Variants in TEX14 observed in about 807,000 individuals in gnomAD.
TEX14 encodes testis expressed 14, intercellular bridge forming factor.
Under a neutral mutation model 178.6 loss-of-function variants are expected in TEX14, and 168 were observed. The ratio of observed to expected loss-of-function variants is 0.94; its 90% CI spans 0.83 to 1.07. The LOEUF is 1.07. Among genes scored for constraint, TEX14 ranks in the 50% least tolerant of loss-of-function variants. The pLI is 0.00. For synonymous variants in TEX14, 626 were observed against 634.1 expected (o/e 0.99, Z 0.19); for missense variants, 1,730 against 1,753.6 (o/e 0.99, Z 0.24).
chr17:58,617,607 G>C lies in TEX14; in HGVS notation c.567C>G (p.Gly189=). 2 of 1,611,520 alleles carry C rather than the reference G, an allele frequency of 1.2e-6. No homozygotes were observed. Among genetic ancestry groups the C allele is most frequent in the Non-Finnish European group, 1.7e-6 (2 of 1,178,292 alleles). Residue 189 remains glycine (G), a synonymous_variant, in exon 6 of 32, where the codon GGC becomes GGG. Coordinates refer to ENST00000349033, the MANE Select transcript of TEX14 (RefSeq NM_031272.5). ...CGGLVQGNPN[G]SPNRLLKAGV... ...CAGCTTTAAGCAGTCGGTTAGGAGA[G>C]CCATTAGGGTTTCTAGAAATATTTA... is the stretch of plus-strand genomic sequence containing the variant.
At chr17:58,664,763 T>C (rs1045958058) in intron 1 of TEX14, among the ~76,000 whole-genome samples, 3 of 152,254 alleles carry the variant, frequency 2.0e-5, no homozygotes, top group African/African-American at 7.2e-5. Context: ...TATGACTGCA[T>C]TGATTAAAAG....
At position 58,601,810 on chromosome 17, in the gene TEX14, T is replaced by C; in HGVS notation, c.1674A>G (p.Glu558=). The C allele has an allele frequency of 6.2e-7, 1 of 1,612,472 alleles. No individual in the cohort carries two copies. The highest frequency in any genetic ancestry group is 2.0e-4 in the Middle Eastern group (1 of 5,006). The change falls in exon 13 of 32, where the codon GAA becomes GAG. Residue 558 remains glutamate (E), a synonymous_variant. Transcript: ENST00000349033. ...ACCTGTGAATTAAGGCCATACCCAT[T>C]TCCTTTAGTTCTATGATTTCCATGT... ...TPDMEIIELK[E]MGSQPHSPRV... is the part of the protein sequence containing the mutation.
At chr17:58,592,310 A>T (rs1364139109) in intron 15 of TEX14, among the ~76,000 whole-genome samples, 1 of 151,160 alleles carries the variant, frequency 6.6e-6, no homozygotes, top group African/African-American at 2.4e-5. Flanking sequence ...GCTCACTGCA[A>T]CTTCTGCCTC....
rs35359604 is a variant in TEX14 at position 58,657,502 on chromosome 17, CTTTTTTTT to C, written c.-1-5508_-1-5501del. On this transcript the variant is annotated intron_variant, in intron 1 of 31. Coordinates refer to ENST00000349033, the MANE Select transcript of TEX14 (RefSeq NM_031272.5). ...TTTTGTCTGGGCAATACGGGAAATG[CTTTTTTTT>C]TTTTTTTTTTTTTTTTTTTTTTGAG... is the stretch of plus-strand genomic sequence containing the variant. Among the ~76,000 whole-genome samples, 27 of 51,364 alleles carry C rather than the reference CTTTTTTTT, an allele frequency of 5.3e-4. No homozygotes were observed. In the East Asian group the frequency reaches 9.3e-3, roughly 18 times the overall value. The allele number at this position is 51,364 out of a possible 152,430, so 33.7% of individuals were successfully genotyped here.
chr17:58,671,006 G>A (rs961525220), intron 1 of TEX14, among the ~76,000 whole-genome samples: 2 of 151,948 alleles, frequency 1.3e-5, no homozygotes, highest in Admixed American at 6.6e-5. Flanking sequence ...TCCAAATATT[G>A]CTTCCACTCC....
chr17:58,613,289 TATAAAGCAAAAGA>T, intron 9 of TEX14, 119 bp downstream of exon 9: 4 of 1,148,766 alleles, frequency 3.5e-6, no homozygotes, highest in Non-Finnish European at 5.0e-6. Context: ...ATACAGCCCC[TATAAAGCAAAAGA>T]ATAAAGATAT....
intron 2 of TEX14, among the ~76,000 whole-genome samples, chr17:58,641,354 G>C (rs1283400770): frequency 6.6e-6 from 1 of 151,860 alleles, no homozygotes; most frequent in South Asian, 2.1e-4. Context: ...AGGTTGCGAT[G>C]AGCCAAGATT....
chr17:58,687,351 G>GTACC (rs958846801), intron 1 of TEX14, among the ~76,000 whole-genome samples: 10 of 152,014 alleles, frequency 6.6e-5, no homozygotes, highest in African/African-American at 2.4e-4. Context: ...TAGAGGCAAG[G>GTACC]TACCCCCTGA....
chr17:58,619,271 C>G (rs2045943106), intron 5 of TEX14, among the ~76,000 whole-genome samples: 1 of 152,182 alleles, frequency 6.6e-6, no homozygotes, highest in African/African-American at 2.4e-5. Context: ...GCAGTTCAGA[C>G]CAACATTTCC....
At chr17:58,669,733 C>CAAGA (rs2047273393) in intron 1 of TEX14, among the ~76,000 whole-genome samples, 1 of 56,300 alleles carries the variant, frequency 1.8e-5, no homozygotes, top group Non-Finnish European at 3.5e-5. Context: ...GACTCCGTCT[C>CAAGA]AAAAAAAAAA....
intron 1 of TEX14, among the ~76,000 whole-genome samples, chr17:58,683,371 C>A (rs1418953356): frequency 2.1e-5 from 3 of 143,134 alleles, no homozygotes; most frequent in African/African-American, 2.6e-5. Context: ...AGACTCCATC[C>A]CCCCCCCCAA....
intron 3 of TEX14, among the ~76,000 whole-genome samples, chr17:58,624,326 C>A (rs187650971): frequency 8.5e-5 from 12 of 141,152 alleles, no homozygotes; most frequent in African/African-American, 3.0e-4. Context: ...TACATATTTT[C>A]TTTTCTTTTC....
chr17:58,600,881 T>G (rs1016411101), intron 13 of TEX14, among the ~76,000 whole-genome samples: 4 of 152,178 alleles, frequency 2.6e-5, no homozygotes, highest in African/African-American at 4.8e-5. Context: ...TCATCTGTAA[T>G]ATGAAGGCAT....
intron 9 of TEX14, among the ~76,000 whole-genome samples, chr17:58,611,825 T>C (rs1231944403): frequency 6.6e-6 from 1 of 152,170 alleles, no homozygotes; most frequent in Non-Finnish European, 1.5e-5. Flanking sequence ...CTCACATCAA[T>C]GCACCTGGCT....
chr17:58,676,133 TG>T (rs1567772009), intron 1 of TEX14, among the ~76,000 whole-genome samples: 2 of 152,152 alleles, frequency 1.3e-5, no homozygotes, highest in African/African-American at 4.8e-5. Flanking sequence ...CCCAGCACTT[TG>T]GAAGGCTGAC....
At chr17:58,674,213 T>G (rs1010932252) in intron 1 of TEX14, among the ~76,000 whole-genome samples, 1 of 151,084 alleles carries the variant, frequency 6.6e-6, no homozygotes, top group African/African-American at 2.4e-5. Context: ...GAGGTGGAGG[T>G]TGCAGTGAGC....
At chr17:58,621,853 T>A (rs1249724227) in intron 4 of TEX14, 67 bp from the exon 5 acceptor site, 2 of 1,521,522 alleles carry the variant, frequency 1.3e-6, no homozygotes, top group African/African-American at 1.4e-5. Flanking sequence ...AGCTTGGGTA[T>A]GAAGATAAGT....
At chr17:58,659,127 TTTTAAACTAGTTCAATCACAG>T (rs1305994095) in intron 1 of TEX14, among the ~76,000 whole-genome samples, 2 of 150,838 alleles carry the variant, frequency 1.3e-5, no homozygotes, top group African/African-American at 2.5e-5. Flanking sequence ...ACAAGCCGTC[TTTTAAACTAGTTCAATCACAG>T]GACAGAAAAG....
intron 1 of TEX14, among the ~76,000 whole-genome samples, chr17:58,681,798 A>T (rs2143561308): frequency 6.6e-6 from 1 of 151,876 alleles, no homozygotes; most frequent in Non-Finnish European, 1.5e-5. Flanking sequence ...AGCTAAGATC[A>T]TGCCATTGCA....
Sources: allele counts gnomAD v4.1 joint callset (sites outside exome capture counted in the v4.1 genomes callset), GRCh38; gene constraint gnomAD v4.1.1; transcripts MANE v1.5; gene names NCBI Gene and HGNC (gene_info 2026-07-23, HGNC 2026-07-21).